Variants in PDE3A observed in about 807,000 individuals in gnomAD.
The protein encoded by PDE3A is phosphodiesterase 3A, also known as cGMP-inhibited 3',5'-cyclic phosphodiesterase 3A.
A neutral mutation model predicts 98.3 loss-of-function variants in PDE3A; 43 were observed. The ratio of observed to expected loss-of-function variants is 0.44; its 90% CI spans 0.34 to 0.56. PDE3A has a LOEUF of 0.56. Among genes scored for constraint, PDE3A ranks in the 20% least tolerant of loss-of-function variants. The pLI is 0.01. For missense variants in PDE3A, 1,427 were observed against 1,440.7 expected (o/e 0.99, Z 0.15); for synonymous variants, 663 against 567.9 (o/e 1.17, Z -2.38).
At chr12:20,473,772 G>T (rs1254959246) in intron 1 of PDE3A, among the ~76,000 whole-genome samples, 1 of 151,590 alleles carries the variant, frequency 6.6e-6, no homozygotes, top group Non-Finnish European at 1.5e-5. Flanking sequence ...TTTTCATTCA[G>T]GTTTGTTTTT....
intron 1 of PDE3A, among the ~76,000 whole-genome samples, chr12:20,383,700 T>G (rs996920320): frequency 2.6e-5 from 4 of 151,910 alleles, no homozygotes; most frequent in Admixed American, 6.6e-5. Flanking sequence ...GGTCATCTCT[T>G]TCCTAACTTG....
chr12:20,485,076 G>T (rs1416015354), intron 1 of PDE3A, among the ~76,000 whole-genome samples: 1 of 152,160 alleles, frequency 6.6e-6, no homozygotes, highest in Non-Finnish European at 1.5e-5. Flanking sequence ...TCCTGGGGCT[G>T]TTGTCACAAA....
At chr12:20,500,577 G>T (rs1946004388) in intron 1 of PDE3A, among the ~76,000 whole-genome samples, 1 of 151,546 alleles carries the variant, frequency 6.6e-6, no homozygotes, top group African/African-American at 2.4e-5. Context: ...CTTTCTTCAG[G>T]ATTTTTTTTC....
intron 2 of PDE3A, among the ~76,000 whole-genome samples, chr12:20,579,688 T>G (rs955887859): frequency 6.6e-6 from 1 of 152,174 alleles, no homozygotes; most frequent in Non-Finnish European, 1.5e-5. Context: ...CTCATGTAGT[T>G]GGGATACTTC....
intron 1 of PDE3A, among the ~76,000 whole-genome samples, chr12:20,418,000 G>C (rs1374436811): frequency 6.6e-6 from 1 of 151,988 alleles, no homozygotes; most frequent in African/African-American, 2.4e-5. Context: ...ATTGCAGGCT[G>C]TCTGTCTCTG....
In PDE3A at chr12:20,680,381, G is replaced by A. The variant is rs1321607269; in HGVS notation, c.*110G>A. 3 of 1,118,066 alleles carry A rather than the reference G, an allele frequency of 2.7e-6. No individual in the cohort carries two copies. The highest frequency in any genetic ancestry group is 2.6e-6 in the Non-Finnish European group (2 of 780,254). The allele number at this position is 1,118,066 out of a possible 1,614,324, so 69.3% of individuals were successfully genotyped here. A position where few individuals can be genotyped will look rare whatever the true frequency, so the allele number is the denominator to read the frequency against. On this transcript the variant is annotated 3_prime_UTR_variant, in exon 16 of 16. Transcript: ENST00000359062. The stretch of plus-strand genomic sequence containing the variant: ...TGTAGAAATTTGAGATGGGCAAATG[G>A]CTATTGCATTTTGGGATTCTTCGCA...
At chr12:20,529,094 A>T (rs1415093502) in intron 1 of PDE3A, among the ~76,000 whole-genome samples, 3 of 152,098 alleles carry the variant, frequency 2.0e-5, no homozygotes, top group Non-Finnish European at 4.4e-5. Flanking sequence ...GGTCTTGGAG[A>T]TTATCTAATT....
intron 1 of PDE3A, among the ~76,000 whole-genome samples, chr12:20,386,126 T>TATATAAAA: frequency 1.2e-5 from 1 of 84,012 alleles, no homozygotes; most frequent in Non-Finnish European, 2.1e-5. Flanking sequence ...TATATAAATA[T>TATATAAAA]ATATAAATAT....
chr12:20,535,579 A>C (rs1480274827), intron 1 of PDE3A, among the ~76,000 whole-genome samples: 3 of 152,170 alleles, frequency 2.0e-5, no homozygotes, highest in Non-Finnish European at 4.4e-5. Flanking sequence ...ATGCATGAAC[A>C]GTACTTAGTA....
chr12:20,603,028 C>T (rs558046514), intron 2 of PDE3A, among the ~76,000 whole-genome samples: 2 of 152,262 alleles, frequency 1.3e-5, no homozygotes, highest in East Asian at 1.9e-4. Flanking sequence ...CCTAGTATCA[C>T]GGACAGCCTC....
intron 1 of PDE3A, among the ~76,000 whole-genome samples, chr12:20,497,282 T>C (rs1448941977): frequency 6.6e-6 from 1 of 151,980 alleles, no homozygotes; most frequent in East Asian, 1.9e-4. Context: ...AAAATGTATA[T>C]AACAGATAGT....
Position 20,587,018 on chromosome 12 carries a change from T to C in PDE3A, c.1012-26425T>C, listed in dbSNP as rs1943214738. ...TCATTTGCAGGAACAGGCTAGGTAT[T>C]GTATTTATCTTTTCCCTTATAAAGA... On this transcript the variant is annotated intron_variant, in intron 2 of 15. Coordinates refer to ENST00000359062, the MANE Select transcript of PDE3A (RefSeq NM_000921.5). 2.0e-5 allele frequency among the ~76,000 whole-genome samples: 3 copies of C among 152,306 alleles called. No individual in the cohort carries two copies. In the South Asian group the frequency reaches 6.2e-4, roughly 32 times the overall value.
At chr12:20,621,860 GGAACAT>G (rs761837996) in intron 5 of PDE3A, among the ~76,000 whole-genome samples, 8 of 152,010 alleles carry the variant, frequency 5.3e-5, no homozygotes, top group Non-Finnish European at 1.2e-4. Context: ...GCTTTAAATG[GGAACAT>G]GAAATGATAT....
At chr12:20,431,405 C>A (rs1270734681) in intron 1 of PDE3A, among the ~76,000 whole-genome samples, 1 of 151,962 alleles carries the variant, frequency 6.6e-6, no homozygotes, top group Non-Finnish European at 1.5e-5. Flanking sequence ...ATTGTATACA[C>A]GATGTATATA....
chr12:20,405,175 C>T (rs1944210506), intron 1 of PDE3A, among the ~76,000 whole-genome samples: 1 of 152,020 alleles, frequency 6.6e-6, no homozygotes, highest in South Asian at 2.1e-4. Context: ...CTTCTCTGTC[C>T]CCTCAGCAGT....
intron 15 of PDE3A, among the ~76,000 whole-genome samples, chr12:20,679,530 G>A (rs1213953517): frequency 6.6e-6 from 1 of 152,142 alleles, no homozygotes; most frequent in Non-Finnish European, 1.5e-5. Flanking sequence ...TCACAGACGT[G>A]AGCCACTGCA....
intron 15 of PDE3A, among the ~76,000 whole-genome samples, chr12:20,677,563 A>G (rs34425791): frequency 0.034 from 5,242 of 151,988 alleles, 120 homozygotes; most frequent in Middle Eastern, 0.062. Flanking sequence ...GGGTTCAAGC[A>G]ATTCTCCTGC....
chr12:20,633,115 C>A (rs1023114570), intron 6 of PDE3A, among the ~76,000 whole-genome samples: 6 of 151,800 alleles, frequency 4.0e-5, no homozygotes, highest in Admixed American at 2.6e-4. Flanking sequence ...CCCTGCCTGG[C>A]AATTTTTGTA....
chr12:20,502,839 G>T (rs1246403125), intron 1 of PDE3A, among the ~76,000 whole-genome samples: 1 of 152,144 alleles, frequency 6.6e-6, no homozygotes, highest in Non-Finnish European at 1.5e-5. Context: ...CCTGCCAATA[G>T]AAGATGGTTA....
Sources: allele counts gnomAD v4.1 joint callset (sites outside exome capture counted in the v4.1 genomes callset), GRCh38; gene constraint gnomAD v4.1.1; transcripts MANE v1.5; gene names NCBI Gene and HGNC (gene_info 2026-07-23, HGNC 2026-07-21).